PRXL2A: variants seen among roughly 807,000 people sequenced by gnomAD.
PRXL2A encodes the protein peroxiredoxin-like 2A.
In PRXL2A, 26 loss-of-function variants were observed where a neutral mutation model predicts 25.6. The ratio of observed to expected loss-of-function variants is 1.02; its 90% confidence interval spans 0.74 to 1.41. PRXL2A has a LOEUF of 1.41. PRXL2A is among the 40% of genes most tolerant of loss of function. The pLI is 0.00. For synonymous variants in PRXL2A, 98 were observed against 102.9 expected (o/e 0.95, Z 0.29); for missense variants, 246 against 273.9 (o/e 0.90, Z 0.72).
At position 80,422,412 on chromosome 10, in the gene PRXL2A, C is replaced by A. The variant is rs759609589; in HGVS notation, c.179-5C>A. 15 of 1,612,536 alleles carry A rather than the reference C, an allele frequency of 9.3e-6. No individual in the cohort carries two copies. The South Asian group carries it at 1.5e-4, about 17-fold the overall frequency. ...GATATCGAATTTCTTTTTTTCCTCT[C>A]TTAGAACCAAGGACTTTCAAAGCAA... On this transcript the variant is annotated splice_region_variant and splice_polypyrimidine_tract_variant and intron_variant, in intron 2 of 5. Transcript: ENST00000606162.
intron 1 of PRXL2A, among the ~76,000 whole-genome samples, chr10:80,412,603 C>T (rs988232785): frequency 6.6e-6 from 1 of 152,028 alleles, no homozygotes; most frequent in Non-Finnish European, 1.5e-5. Context: ...TGGGTGTGTG[C>T]GCACACACAT....
chr10:80,431,157 T>C (rs1356647191), intron 5 of PRXL2A, among the ~76,000 whole-genome samples: 1 of 152,120 alleles, frequency 6.6e-6, no homozygotes, highest in Non-Finnish European at 1.5e-5. Context: ...CTCAGCCTCC[T>C]AAAGTGCTGG....
chr10:80,430,556 G>A (rs1845219621), intron 5 of PRXL2A, among the ~76,000 whole-genome samples: 1 of 152,156 alleles, frequency 6.6e-6, no homozygotes, highest in East Asian at 1.9e-4. Context: ...TGAAGCAGGA[G>A]GATTTCTTGA....
At chr10:80,413,801 G>A (rs929572147) in intron 1 of PRXL2A, 12 of 1,064,252 alleles carry the variant, frequency 1.1e-5, no homozygotes, top group East Asian at 2.0e-4. Context: ...TCCCCTTGCC[G>A]CCTGCCCAGG....
rs1300892685 is a variant in PRXL2A at position 80,410,016 on chromosome 10, TG to T, written c.-3+1374del. The stretch of plus-strand genomic sequence containing the variant: ...TAGTTGAGACCTTCTGCATTACTTC[TG>T]AAGGGGTACAAAAGACATTTCTGAT... On this transcript the variant is annotated intron_variant, in intron 1 of 5. Coordinates refer to ENST00000606162, the MANE Select transcript of PRXL2A (RefSeq NM_032333.5). 4.6e-5 allele frequency among the ~76,000 whole-genome samples: 7 copies of T among 152,254 alleles called. No homozygotes were observed. The East Asian group carries it at 5.8e-4, about 13-fold the overall frequency.
chr10:80,412,570 C>T (rs1844510305), intron 1 of PRXL2A, among the ~76,000 whole-genome samples: 1 of 152,152 alleles, frequency 6.6e-6, no homozygotes, highest in South Asian at 2.1e-4. Context: ...TTACACAATT[C>T]ATTTGTGCAT....
At chr10:80,411,591 G>A (rs1274152665) in intron 1 of PRXL2A, among the ~76,000 whole-genome samples, 2 of 152,224 alleles carry the variant, frequency 1.3e-5, no homozygotes, top group Non-Finnish European at 2.9e-5. Flanking sequence ...AACCTGCCCT[G>A]CCCATGTGAC....
At position 80,435,661 on chromosome 10, in the gene PRXL2A, T is replaced by TGG. The variant is rs113881094; in HGVS notation, c.*3566_*3567dup. On this transcript the variant is annotated 3_prime_UTR_variant, in exon 6 of 6. Transcript: ENST00000606162. ...CCAACAGATTTTATTTTTGTAGGGA[T>TGG]GGGGGTCTCCCTGTATTGCCCAGGC... The TGG allele has an allele frequency of 6.6e-6, 1 of 152,096 alleles. No individual in the cohort carries two copies. The highest frequency in any genetic ancestry group is 2.4e-5 in the African/African-American group (1 of 41,396). 9.4% of individuals were successfully genotyped at this position (152,096 alleles called of 1,614,324 possible). A position where few individuals can be genotyped will look rare whatever the true frequency, so the allele number is the denominator to read the frequency against.
chr10:80,425,807 T>C, intron 3 of PRXL2A, 59 bp from the exon 4 acceptor site: 1 of 1,606,962 alleles, frequency 6.2e-7, no homozygotes, highest in Admixed American at 1.7e-5. Flanking sequence ...CCTGACACCC[T>C]ATGTGGAGGC....
intron 1 of PRXL2A, among the ~76,000 whole-genome samples, chr10:80,419,806 A>AT (rs748624897): frequency 6.6e-6 from 1 of 152,094 alleles, no homozygotes; most frequent in Non-Finnish European, 1.5e-5. Context: ...CTATAAGCAT[A>AT]TTTTGTTTTT....
In PRXL2A at chr10:80,436,022, G is replaced by A. The variant is rs1448193747; in HGVS notation, c.*3923G>A. ...TGTAAAGCTGGTGGTTCTCAATCTC[G>A]GATACACAGTAGAATCACCTGGTGC... is the stretch of plus-strand genomic sequence containing the variant. On this transcript the variant is annotated 3_prime_UTR_variant, in exon 6 of 6. Transcript: ENST00000606162. 1.3e-5 allele frequency: 2 copies of A among 151,932 alleles called. No homozygotes were observed. The highest frequency in any genetic ancestry group is 2.4e-5 in the African/African-American group (1 of 41,364). 9.4% of individuals were successfully genotyped at this position (151,932 alleles called of 1,614,324 possible).
chr10:80,417,756 TTG>T (rs1224925360), intron 1 of PRXL2A, among the ~76,000 whole-genome samples: 3 of 91,868 alleles, frequency 3.3e-5, no homozygotes, highest in South Asian at 5.5e-4. Flanking sequence ...CTTTTTTTTT[TTG>T]TTTTTTTTTT....
At chr10:80,421,663 T>C (rs74705593) in intron 2 of PRXL2A, among the ~76,000 whole-genome samples, 1 of 151,864 alleles carries the variant, frequency 6.6e-6, no homozygotes. Context: ...TTTTTTTTTT[T>C]CCACATAACA....
At position 80,427,461 on chromosome 10, in the gene PRXL2A, C is replaced by T; in HGVS notation, c.541C>T (p.Leu181Phe). 1 of 1,614,042 alleles carries T rather than the reference C, an allele frequency of 6.2e-7. No homozygotes were observed. Among genetic ancestry groups the T allele is most frequent in the South Asian group, 1.1e-5 (1 of 91,074 alleles). Residue 181 changes from leucine to phenylalanine, a missense_variant, in exon 5 of 6, where the codon CTT becomes TTT. Leu to Phe is a conservative substitution (Grantham distance 22, BLOSUM62 0). Coordinates refer to ENST00000606162, the MANE Select transcript of PRXL2A (RefSeq NM_032333.5). The stretch of plus-strand genomic sequence containing the variant: ...AAACCTGGAAGGAGAAGGCTTCATC[C>T]TTGGGGGAGTTTTCGTGGTGGGATC... ...SGNLEGEGFILGGVFVVGSGK... is the reference protein window; with the variant it reads ...SGNLEGEGFIFGGVFVVGSGK...
At chr10:80,413,190 C>T (rs1844532004) in intron 1 of PRXL2A, among the ~76,000 whole-genome samples, 1 of 147,644 alleles carries the variant, frequency 6.8e-6, no homozygotes, top group Admixed American at 6.8e-5. Flanking sequence ...GAGAAATCGA[C>T]TTTAGTTTTG....
intron 1 of PRXL2A, among the ~76,000 whole-genome samples, 175 bp downstream of exon 1, chr10:80,408,818 TC>T (rs1201091438): frequency 6.6e-6 from 1 of 152,128 alleles, no homozygotes; most frequent in Admixed American, 6.5e-5. Context: ...GCGCTGGCGC[TC>T]CCTCCGAGGA....
chr10:80,427,394 G>A lies in PRXL2A; in HGVS notation c.474G>A (p.Val158=). 2 of 1,614,142 alleles carry A rather than the reference G, an allele frequency of 1.2e-6. No individual in the cohort carries two copies. Among genetic ancestry groups the A allele is most frequent in the Non-Finnish European group, 1.7e-6 (2 of 1,179,996 alleles). ...TTATGGGATTTATCCGTCTGGGAGT[G>A]TGGTACAACTTCTTCCGAGCCTGGA... ...MMFMGFIRLG[V]WYNFFRAWNG... The change falls in exon 5 of 6, where the codon GTG becomes GTA. Residue 158 remains valine (V), a synonymous_variant. Coordinates refer to ENST00000606162, the MANE Select transcript of PRXL2A (RefSeq NM_032333.5).
chr10:80,411,678 G>C (rs1183612568), intron 1 of PRXL2A, among the ~76,000 whole-genome samples: 1 of 152,188 alleles, frequency 6.6e-6, no homozygotes, highest in Non-Finnish European at 1.5e-5. Context: ...AGCGCTTTGA[G>C]GGAAGGAGAG....
At chr10:80,418,986 CTTTTCTTTCTTTTT>C (rs1446263657) in intron 1 of PRXL2A, among the ~76,000 whole-genome samples, 1 of 151,690 alleles carries the variant, frequency 6.6e-6, no homozygotes, top group Admixed American at 6.6e-5. Context: ...TCTTTCTTTT[CTTTTCTTTCTTTTT>C]TTTTGAGACT....
Sources: gnomAD v4.1 joint callset for allele counts (sites outside exome capture counted in the v4.1 genomes callset) on GRCh38, gnomAD v4.1.1 for gene constraint, MANE v1.5 for transcripts, NCBI Gene and HGNC (gene_info 2026-07-23, HGNC 2026-07-21) for gene names.